Variants in MTRF1 observed in about 807,000 individuals in gnomAD.
MTRF1 encodes the protein mitochondrial translation release factor 1.
Under a neutral mutation model 62.9 loss-of-function variants are expected in MTRF1, and 51 were observed. That is an observed-to-expected ratio of 0.81 (90% confidence interval 0.65 to 1.02). The LOEUF (loss-of-function observed/expected upper bound fraction) is 1.02, where lower values mean the gene tolerates loss of function less well. Ranked by LOEUF, MTRF1 falls within the 50% of genes least tolerant of loss-of-function variation. The probability of loss-of-function intolerance (pLI) is 0.00; values close to 1 mark genes in which losing one functional copy is unlikely to be tolerated. For missense variants in MTRF1, 446 were observed against 530.0 expected (o/e 0.84, Z 1.56); for synonymous variants, 158 against 181.9 (o/e 0.87, Z 1.06).
chr13:41,220,513 G>T, intron 9 of MTRF1: 1 of 1,096,796 alleles, frequency 9.1e-7, no homozygotes, highest in Non-Finnish European at 1.2e-6. Context: ...TTATTAGCTC[G>T]ATAAATAAAA....
the MTRF1 span, among the ~76,000 whole-genome samples, chr13:41,288,726 C>T: frequency 6.6e-6 from 1 of 152,034 alleles, no homozygotes; most frequent in African/African-American, 2.4e-5. Flanking sequence ...AATGACATTA[C>T]TCGATTTTTT....
At chr13:41,295,278 T>C in the MTRF1 span, among the ~76,000 whole-genome samples, 1 of 152,352 alleles carries the variant, frequency 6.6e-6, no homozygotes, top group East Asian at 1.9e-4. Flanking sequence ...TTCTGTACTC[T>C]TGGGTTTTCT....
the MTRF1 span, among the ~76,000 whole-genome samples, chr13:41,291,735 A>T: frequency 3.3e-5 from 5 of 152,166 alleles, no homozygotes; most frequent in African/African-American, 4.8e-5. Context: ...GCTACAGAAC[A>T]AGAATAAAAC....
the MTRF1 span, among the ~76,000 whole-genome samples, chr13:41,273,113 T>C: frequency 1.3e-5 from 2 of 151,544 alleles, no homozygotes; most frequent in African/African-American, 4.9e-5. Flanking sequence ...GATCACGAGG[T>C]CAGGAGATCG....
chr13:41,303,364 T>C, the MTRF1 span, among the ~76,000 whole-genome samples: 4 of 152,334 alleles, frequency 2.6e-5, no homozygotes, highest in African/African-American at 7.2e-5. Flanking sequence ...GTGTTAATAA[T>C]GATGCTATGG....
At chr13:41,311,209 G>GGCGCTCCGCGCAT in the MTRF1 span, 1 of 470,904 alleles carries the variant, frequency 2.1e-6, no homozygotes, top group African/African-American at 2.1e-5. Context: ...CTCGCCAAAG[G>GGCGCTCCGCGCAT]GCGCTCCGCG....
In MTRF1 at chr13:41,243,129, G is replaced by T. The variant is rs148601347; in HGVS notation, c.698-2696C>A. Among the ~76,000 whole-genome samples the T allele has an allele frequency of 8.0e-3, 1,213 of 152,242 alleles. 10 individuals carry two copies. The highest frequency in any genetic ancestry group is 0.028 in the African/African-American group (1,158 of 41,542). Reference sequence around the variant, plus strand: ...AGCTACTTAGGATGCTGAGGCAGAAGAATCGCTTGAACCTGAGAGGCGGAG... The same window carrying T: ...AGCTACTTAGGATGCTGAGGCAGAATAATCGCTTGAACCTGAGAGGCGGAG... On this transcript the variant is annotated intron_variant, in intron 5 of 9. Transcript: ENST00000379480.
At chr13:41,226,411 A>T (rs2034442481) in intron 8 of MTRF1, 21 bp downstream of exon 8, 1 of 1,598,410 alleles carries the variant, frequency 6.3e-7, no homozygotes, top group Non-Finnish European at 8.5e-7. Context: ...TCACTAAATT[A>T]TTATACCAAG....
chr13:41,274,437 G>A, the MTRF1 span, among the ~76,000 whole-genome samples: 1 of 152,066 alleles, frequency 6.6e-6, no homozygotes, highest in Non-Finnish European at 1.5e-5. Flanking sequence ...CAAATATGAA[G>A]TTGAACATGT....
chr13:41,237,218 C>CAAAAAAA (rs11412273), intron 6 of MTRF1, among the ~76,000 whole-genome samples: 2 of 63,814 alleles, frequency 3.1e-5, no homozygotes, highest in Non-Finnish European at 5.4e-5. Flanking sequence ...GAATCTGTCT[C>CAAAAAAA]AAAAAAAAAA....
upstream of MTRF1, among the ~76,000 whole-genome samples, chr13:41,265,959 C>T (rs1322415714): frequency 1.3e-5 from 2 of 152,076 alleles, no homozygotes; most frequent in Non-Finnish European, 2.9e-5. Flanking sequence ...AAGCAATTCT[C>T]CTGCCTCATC....
the MTRF1 span, among the ~76,000 whole-genome samples, chr13:41,274,353 A>C: frequency 6.6e-6 from 1 of 152,186 alleles, no homozygotes; most frequent in Non-Finnish European, 1.5e-5. Context: ...TTTCCTGAAA[A>C]CACACTTTCA....
At position 41,240,274 on chromosome 13, in the gene MTRF1, G is replaced by T. The variant is rs781257639; in HGVS notation, c.857C>A (p.Pro286His). The T allele has an allele frequency of 3.7e-6, 6 of 1,608,148 alleles. No homozygotes were observed. The highest frequency in any genetic ancestry group is 5.1e-6 in the Non-Finnish European group (6 of 1,177,102). Reference protein sequence around the residue: ...HTGTMSVIVLPQPDEVDVKLD... With the variant: ...HTGTMSVIVLHQPDEVDVKLD... ...TCCTGAGGTTACCTCATCTGGCTGAGGAAGGACAATAACCGACATCGTTCC... is the reference window on the plus strand; with the variant it reads ...TCCTGAGGTTACCTCATCTGGCTGATGAAGGACAATAACCGACATCGTTCC... Residue 286 changes from proline (P) to histidine (H), a missense_variant, in exon 6 of 10, where the codon CCT becomes CAT. Transcript: ENST00000379480.
the MTRF1 span, among the ~76,000 whole-genome samples, chr13:41,278,793 T>C: frequency 6.6e-6 from 1 of 152,126 alleles, no homozygotes; most frequent in Non-Finnish European, 1.5e-5. Flanking sequence ...TTAGTCCCTG[T>C]AAATAAAAAA....
At chr13:41,229,813 A>C (rs1389045584) in intron 7 of MTRF1, 1 of 152,194 alleles carries the variant, frequency 6.6e-6, no homozygotes, top group Admixed American at 6.5e-5. Flanking sequence ...AAAAAGTATA[A>C]CCTCAGGACG....
At chr13:41,273,205 A>G in the MTRF1 span, among the ~76,000 whole-genome samples, 1 of 152,014 alleles carries the variant, frequency 6.6e-6, no homozygotes, top group Non-Finnish European at 1.5e-5. Context: ...GGGCGCCTGT[A>G]GTCCCAGTTG....
chr13:41,222,388 GAAGACAC>G (rs1949218533), intron 9 of MTRF1, among the ~76,000 whole-genome samples: 1 of 152,158 alleles, frequency 6.6e-6, no homozygotes. Context: ...TCAATCTAAT[GAAGACAC>G]ATTGTGGTAG....
intron 5 of MTRF1, among the ~76,000 whole-genome samples, chr13:41,250,953 C>A (rs148743430): frequency 6.6e-6 from 1 of 152,130 alleles, no homozygotes; most frequent in Non-Finnish European, 1.5e-5. Flanking sequence ...TCCTTTGTGT[C>A]AGAATAGAAT....
chr13:41,286,092 A>C, the MTRF1 span, among the ~76,000 whole-genome samples: 7,471 of 149,772 alleles, frequency 0.05, 242 homozygotes, highest in Non-Finnish European at 0.072. Context: ...CAACAACAAA[A>C]AAAAAAAAAA....
Sources: allele counts gnomAD v4.1 joint callset (sites outside exome capture counted in the v4.1 genomes callset), GRCh38; gene constraint gnomAD v4.1.1; transcripts MANE v1.5; gene names NCBI Gene and HGNC (gene_info 2026-07-23, HGNC 2026-07-21).